The following NALF1 variants were observed in gnomAD, a reference collection of about 807,000 sequenced individuals.
NALF1 encodes NALCN channel auxiliary factor 1.
A neutral mutation model predicts 48.4 loss-of-function variants in NALF1; 3 were observed. The observed-to-expected ratio is 0.06, with a 90% CI of 0.03 to 0.16. The LOEUF (loss-of-function observed/expected upper bound fraction) is 0.16, where lower values mean the gene tolerates loss of function less well. Ranked by LOEUF, NALF1 falls within the 10% of genes least tolerant of loss-of-function variation. The pLI, the probability that NALF1 is intolerant of heterozygous loss-of-function variation, is 1.00. For synonymous variants in NALF1, 262 were observed against 245.7 expected (o/e 1.07, Z -0.62); for missense variants, 526 against 571.5 (o/e 0.92, Z 0.81).
chr13:107,662,205 CT>C (rs1201659766), intron 1 of NALF1, among the ~76,000 whole-genome samples: 10 of 152,188 alleles, frequency 6.6e-5, no homozygotes, highest in African/African-American at 2.4e-4. Context: ...GTCCCCTGGC[CT>C]GGACATCACA....
chr13:107,527,137 A>G, intron 1 of NALF1, among the ~76,000 whole-genome samples: 1 of 152,162 alleles, frequency 6.6e-6, no homozygotes, highest in East Asian at 1.9e-4. Context: ...TAAGGAAAAA[A>G]ATAAATGTCA....
At chr13:107,374,988 T>C (rs1566315842) in intron 1 of NALF1, among the ~76,000 whole-genome samples, 1 of 152,084 alleles carries the variant, frequency 6.6e-6, no homozygotes. Flanking sequence ...ACTAAGAGAG[T>C]ATCCTCCACT....
At chr13:107,331,823 T>A (rs1178280513) in intron 1 of NALF1, among the ~76,000 whole-genome samples, 1 of 152,088 alleles carries the variant, frequency 6.6e-6, no homozygotes, top group Non-Finnish European at 1.5e-5. Context: ...GAAAAGAGAA[T>A]CAAAATGTTT....
At chr13:107,739,739 C>T (rs1594237860) in intron 1 of NALF1, among the ~76,000 whole-genome samples, 1 of 152,170 alleles carries the variant, frequency 6.6e-6, no homozygotes, top group Admixed American at 6.5e-5. Flanking sequence ...AGTGGGTGAG[C>T]GAGCGGAACT....
chr13:107,767,663 T>A (rs1303841707), intron 1 of NALF1, among the ~76,000 whole-genome samples: 1 of 152,200 alleles, frequency 6.6e-6, no homozygotes, highest in Non-Finnish European at 1.5e-5. Flanking sequence ...TAATGGTCAT[T>A]TTTCCCCAAT....
chr13:107,767,545 C>T (rs977360604), intron 1 of NALF1, among the ~76,000 whole-genome samples: 1 of 152,132 alleles, frequency 6.6e-6, no homozygotes, highest in Non-Finnish European at 1.5e-5. Context: ...CGACTGTATA[C>T]CTTATGAGAA....
intron 1 of NALF1, among the ~76,000 whole-genome samples, chr13:107,795,970 T>C (rs922524933): frequency 1.3e-5 from 2 of 152,180 alleles, no homozygotes; most frequent in African/African-American, 4.8e-5. Context: ...CACAGCAGAT[T>C]GAATACTACT....
intron 1 of NALF1, among the ~76,000 whole-genome samples, chr13:107,571,674 C>G (rs745693659): frequency 1.6e-4 from 24 of 152,126 alleles, no homozygotes; most frequent in Non-Finnish European, 3.2e-4. Context: ...TTACAGGTGA[C>G]AACTTCGGAC....
intron 1 of NALF1, among the ~76,000 whole-genome samples, chr13:107,783,622 G>C (rs1877987069): frequency 6.6e-6 from 1 of 152,070 alleles, no homozygotes; most frequent in South Asian, 2.1e-4. Context: ...AATGGATTAA[G>C]GGCGGTGCAA....
At chr13:107,742,037 T>C (rs1212316574) in intron 1 of NALF1, among the ~76,000 whole-genome samples, 1 of 152,192 alleles carries the variant, frequency 6.6e-6, no homozygotes, top group Non-Finnish European at 1.5e-5. Flanking sequence ...TACATATGTT[T>C]ACAATGTGAT....
intron 1 of NALF1, among the ~76,000 whole-genome samples, chr13:107,740,616 T>C (rs1320942385): frequency 6.6e-6 from 1 of 152,224 alleles, no homozygotes; most frequent in Non-Finnish European, 1.5e-5. Context: ...TGTTTACCTA[T>C]TAATTTCAAA....
At chr13:107,186,502 G>A (rs193095436) in intron 2 of NALF1, among the ~76,000 whole-genome samples, 3 of 152,216 alleles carry the variant, frequency 2.0e-5, no homozygotes, top group Admixed American at 6.5e-5. Flanking sequence ...TGAGCAGCTG[G>A]GACTACAGGT....
At chr13:107,553,021 G>C (rs1216937794) in intron 1 of NALF1, among the ~76,000 whole-genome samples, 1 of 152,040 alleles carries the variant, frequency 6.6e-6, no homozygotes, top group African/African-American at 2.4e-5. Context: ...CCTTCCTTCA[G>C]TTTATAAGAT....
At chr13:107,211,891 A>G (rs1879769702) in intron 1 of NALF1, among the ~76,000 whole-genome samples, 1 of 152,172 alleles carries the variant, frequency 6.6e-6, no homozygotes, top group Non-Finnish European at 1.5e-5. Flanking sequence ...CTCAGCATGC[A>G]CTTTTGACCA....
At chr13:107,179,785 C>T (rs969392229) in intron 2 of NALF1, among the ~76,000 whole-genome samples, 1 of 151,290 alleles carries the variant, frequency 6.6e-6, no homozygotes, top group Non-Finnish European at 1.5e-5. Flanking sequence ...AGGATTCTTC[C>T]TGGGCCCTTC....
chr13:107,790,169 G>A (rs1193337051), intron 1 of NALF1, among the ~76,000 whole-genome samples: 3 of 152,116 alleles, frequency 2.0e-5, no homozygotes, highest in Admixed American at 6.6e-5. Flanking sequence ...AACCATCAAT[G>A]TTTATTAAGT....
At position 107,417,774 on chromosome 13, in the gene NALF1, G is replaced by A. The variant is rs938298394; in HGVS notation, c.916-207019C>T. Among the ~76,000 whole-genome samples, 45 of 152,052 alleles carry A rather than the reference G, an allele frequency of 3.0e-4. 1 individual carries two copies. Among genetic ancestry groups the A allele is most frequent in the Non-Finnish European group, 1.5e-5 (1 of 68,018 alleles). The stretch of plus-strand genomic sequence containing the variant: ...TTCTTTATTATATTCAAAAATACAT[G>A]GGCTAGCTGGGCGCAGTTGCTTACA... On this transcript the variant is annotated intron_variant, in intron 1 of 2. Transcript: ENST00000375915.
At chr13:107,711,609 C>T (rs2138519763) in intron 1 of NALF1, among the ~76,000 whole-genome samples, 1 of 152,300 alleles carries the variant, frequency 6.6e-6, no homozygotes, top group East Asian at 1.9e-4. Flanking sequence ...AAGGAAGAAC[C>T]AGTCAGTTAT....
chr13:107,329,009 A>C (rs1337264458), intron 1 of NALF1, among the ~76,000 whole-genome samples: 8 of 152,206 alleles, frequency 5.3e-5, no homozygotes, highest in Non-Finnish European at 1.2e-4. Flanking sequence ...CATGAGGAAG[A>C]GCTTCTCAAT....
Sources: allele counts gnomAD v4.1 joint callset (sites outside exome capture counted in the v4.1 genomes callset), GRCh38; gene constraint gnomAD v4.1.1; transcripts MANE v1.5; gene names NCBI Gene and HGNC (gene_info 2026-07-23, HGNC 2026-07-21).